The following PTPRG variants were observed in gnomAD, a reference collection of about 807,000 sequenced individuals.
The protein encoded by PTPRG is protein tyrosine phosphatase receptor type G, also known as receptor-type tyrosine-protein phosphatase gamma.
A neutral mutation model predicts 165.3 loss-of-function variants in PTPRG; 102 were observed. The ratio of observed to expected loss-of-function variants is 0.62; its 90% CI spans 0.53 to 0.73. The LOEUF (loss-of-function observed/expected upper bound fraction) is 0.73, where lower values mean the gene tolerates loss of function less well. PTPRG is among the 30% of genes least tolerant of loss of function. The probability of loss-of-function intolerance (pLI) is 0.00; values close to 1 mark genes in which losing one functional copy is unlikely to be tolerated. For synonymous variants in PTPRG, 675 were observed against 669.5 expected, an observed-to-expected ratio of 1.01 and a Z score of -0.13; for missense variants, 1,866 against 1,861.4, an observed-to-expected ratio of 1.00 and a Z score of -0.05.
At chr3:62,173,524 T>C (rs1312866480) in intron 8 of PTPRG, among the ~76,000 whole-genome samples, 3 of 152,160 alleles carry the variant, frequency 2.0e-5, no homozygotes, top group Non-Finnish European at 2.9e-5. Context: ...GGGGAAATCA[T>C]AGGCTTGTTG....
intron 1 of PTPRG, among the ~76,000 whole-genome samples, chr3:61,582,421 C>T (rs961180578): frequency 6.6e-6 from 1 of 152,124 alleles, no homozygotes; most frequent in Admixed American, 6.6e-5. Flanking sequence ...CTTTTTCGTC[C>T]TGGCACAACT....
chr3:62,183,246 A>G (rs1291722482), intron 8 of PTPRG, among the ~76,000 whole-genome samples: 2 of 152,176 alleles, frequency 1.3e-5, no homozygotes, highest in Admixed American at 6.5e-5. Context: ...GGCTCATCAG[A>G]TAGGACTCGT....
rs184153852 is a variant in PTPRG, at chr3:62,293,558, A to C, written c.*251A>C. On this transcript the variant is annotated 3_prime_UTR_variant, in exon 30 of 30. Coordinates refer to ENST00000474889, the MANE Select transcript of PTPRG (RefSeq NM_002841.4). ...TATATGATCAGTGTTACTGCCTATAATCTTATACAACAGCAAACCCTGATG... is the reference window on the plus strand; with the variant it reads ...TATATGATCAGTGTTACTGCCTATACTCTTATACAACAGCAAACCCTGATG... The C allele has an allele frequency of 1.1e-4, 33 of 303,730 alleles. No individual in the cohort carries two copies. The highest frequency in any genetic ancestry group is 3.4e-4 in the Admixed American group (7 of 20,570). The allele number at this position is 303,730 out of a possible 1,614,324, so 18.8% of individuals were successfully genotyped here.
intron 8 of PTPRG, among the ~76,000 whole-genome samples, chr3:62,179,747 G>A (rs954748718): frequency 6.6e-6 from 1 of 152,204 alleles, no homozygotes; most frequent in African/African-American, 2.4e-5. Flanking sequence ...TCCTTCTTGG[G>A]TCCCTTTGAC....
chr3:61,671,060 T>TA (rs1200232028), intron 1 of PTPRG, among the ~76,000 whole-genome samples: 2 of 151,388 alleles, frequency 1.3e-5, no homozygotes, highest in Admixed American at 1.3e-4. Flanking sequence ...AGATGGGGAA[T>TA]AAAAAATCTT....
rs1354883978 is a variant in PTPRG at position 61,842,721 on chromosome 3, T to C, written c.190+93739T>C. 2.1e-5 allele frequency among the ~76,000 whole-genome samples: 3 copies of C among 141,642 alleles called. No individual in the cohort carries two copies. In the East Asian group the frequency reaches 6.2e-4, roughly 29 times the overall value. The allele number at this position is 141,642 out of a possible 152,430, so 92.9% of individuals were successfully genotyped here. A position where few individuals can be genotyped will look rare whatever the true frequency, so the allele number is the denominator to read the frequency against. On this transcript the variant is annotated intron_variant, in intron 2 of 29. Coordinates refer to ENST00000474889, the MANE Select transcript of PTPRG (RefSeq NM_002841.4). ...AAAAAAAAGAAAAAGAAAAAGCCAA[T>C]GGAAAGTGGCAGAGTAATATTTACT... is the stretch of plus-strand genomic sequence containing the variant.
intron 5 of PTPRG, among the ~76,000 whole-genome samples, chr3:62,104,157 TTTGGAACC>T (rs2106835766): frequency 6.6e-6 from 1 of 152,332 alleles, no homozygotes; most frequent in South Asian, 2.1e-4. Context: ...ACAATACTGA[TTTGGAACC>T]TTCTAGGGAT....
At chr3:61,930,518 G>C (rs767275194) in intron 2 of PTPRG, among the ~76,000 whole-genome samples, 22 of 152,220 alleles carry the variant, frequency 1.4e-4, no homozygotes, top group Admixed American at 2.0e-4. Context: ...TCTTACTTTT[G>C]AGTTACTGTG....
intron 1 of PTPRG, among the ~76,000 whole-genome samples, chr3:61,603,205 A>G (rs1468573713): frequency 6.6e-6 from 1 of 152,194 alleles, no homozygotes; most frequent in Non-Finnish European, 1.5e-5. Flanking sequence ...AGGGCTACTG[A>G]TAAAGTTTGG....
intron 2 of PTPRG, among the ~76,000 whole-genome samples, chr3:61,866,313 C>G (rs17065539): frequency 0.011 from 1,679 of 152,270 alleles, 33 homozygotes; most frequent in African/African-American, 0.038. Context: ...GTAACACATG[C>G]TTCTGTTTGC....
intron 2 of PTPRG, among the ~76,000 whole-genome samples, chr3:61,795,658 AAAAAAAAAAGT>A (rs1255253019): frequency 6.6e-6 from 1 of 151,460 alleles, no homozygotes; most frequent in Non-Finnish European, 1.5e-5. Context: ...AAAAAAAAAA[AAAAAAAAAAGT>A]GGGAATAGTA....
At chr3:61,945,100 G>A (rs2039724086) in intron 2 of PTPRG, among the ~76,000 whole-genome samples, 1 of 152,174 alleles carries the variant, frequency 6.6e-6, no homozygotes, top group Non-Finnish European at 1.5e-5. Context: ...CAGAACAGGG[G>A]CAGAGGTGAT....
intron 4 of PTPRG, among the ~76,000 whole-genome samples, chr3:62,036,979 G>GCACA (rs1350734287): frequency 3.9e-5 from 3 of 77,156 alleles, no homozygotes; most frequent in Non-Finnish European, 5.4e-5. Context: ...GTGCGCGCGC[G>GCACA]CACGCACACA....
At chr3:61,720,945 T>C in intron 1 of PTPRG, among the ~76,000 whole-genome samples, 1 of 152,260 alleles carries the variant, frequency 6.6e-6, no homozygotes, top group East Asian at 1.9e-4. Flanking sequence ...AGCTGTGATG[T>C]CTTTAAGTCC....
chr3:61,997,898 A>G (rs6788675), intron 3 of PTPRG, among the ~76,000 whole-genome samples: 145,582 of 152,286 alleles, frequency 0.96, 69,674 homozygotes, highest in African/African-American at 0.99. Flanking sequence ...GATGTCACAA[A>G]TATTGTGGAA....
intron 3 of PTPRG, among the ~76,000 whole-genome samples, chr3:61,990,494 C>G (rs1417821187): frequency 1.3e-5 from 2 of 152,166 alleles, no homozygotes; most frequent in African/African-American, 4.8e-5. Flanking sequence ...TTTACCATTG[C>G]TAATGCGAAG....
At chr3:61,859,395 G>A (rs958285854) in intron 2 of PTPRG, among the ~76,000 whole-genome samples, 23 of 152,036 alleles carry the variant, frequency 1.5e-4, no homozygotes, top group African/African-American at 4.1e-4. Flanking sequence ...ATTCAAACCC[G>A]GGTCTAATTT....
chr3:61,575,598 C>CTT (rs34363041), intron 1 of PTPRG, among the ~76,000 whole-genome samples: 2,174 of 117,242 alleles, frequency 0.019, 114 homozygotes, highest in African/African-American at 0.06. Context: ...GCACACAGAA[C>CTT]TTTTTTTTTT....
intron 2 of PTPRG, among the ~76,000 whole-genome samples, chr3:61,880,392 A>C (rs1236808687): frequency 6.6e-6 from 1 of 152,196 alleles, no homozygotes; most frequent in Non-Finnish European, 1.5e-5. Flanking sequence ...GACCAAGGCA[A>C]GTGGATTGCT....
Sources: allele counts gnomAD v4.1 joint callset (sites outside exome capture counted in the v4.1 genomes callset), GRCh38; gene constraint gnomAD v4.1.1; transcripts MANE v1.5; gene names NCBI Gene and HGNC (gene_info 2026-07-23, HGNC 2026-07-21).